The following AHCTF1 variants were observed in gnomAD, a reference collection of about 807,000 sequenced individuals.
The protein encoded by AHCTF1 is protein ELYS.
AHCTF1 carries 24 observed loss-of-function variants against 248.4 expected under a neutral mutation model. The ratio of observed to expected loss-of-function variants is 0.10; its 90% confidence interval spans 0.07 to 0.14. The LOEUF (loss-of-function observed/expected upper bound fraction) is 0.14. Among genes scored for constraint, AHCTF1 ranks in the 10% least tolerant of loss-of-function variants. The pLI is 1.00. For missense variants in AHCTF1, 2,206 were observed against 2,636.2 expected (o/e 0.84, Z 3.57); for synonymous variants, 786 against 929.8 (o/e 0.85, Z 2.81).
At chr1:246,847,034 C>T (rs1191795404) in intron 33 of AHCTF1, among the ~76,000 whole-genome samples, 1 of 152,112 alleles carries the variant, frequency 6.6e-6, no homozygotes, top group Non-Finnish European at 1.5e-5. Context: ...TGCCTATAAT[C>T]CCAGCACTTT....
chr1:246,919,796 T>C (rs1666396583), intron 1 of AHCTF1, among the ~76,000 whole-genome samples: 1 of 151,226 alleles, frequency 6.6e-6, no homozygotes, highest in South Asian at 2.1e-4. Context: ...CCACATATCC[T>C]CTGGAATCTC....
chr1:246,869,074 G>C (rs1286478980), intron 24 of AHCTF1, among the ~76,000 whole-genome samples: 2 of 151,194 alleles, frequency 1.3e-5, no homozygotes, highest in Non-Finnish European at 2.9e-5. Flanking sequence ...TCGATCTCCT[G>C]ACCTCGTGAT....
rs1572388493 is a variant in AHCTF1, at chr1:246,867,906, C to G, written c.3089-95G>C. The G allele has an allele frequency of 4.0e-5, 13 of 328,148 alleles. 3 individuals are homozygous for G. In the African/African-American group the frequency reaches 5.2e-4, roughly 13 times the overall value. 20.3% of individuals were successfully genotyped at this position (328,148 alleles called of 1,614,324 possible). Reference sequence around the variant, plus strand: ...GAATGATTACACCCCCCCCCCCACACACACACACACACACATTACGTGGTA... The same window carrying G: ...GAATGATTACACCCCCCCCCCCACAGACACACACACACACATTACGTGGTA... On this transcript the variant is annotated intron_variant, in intron 24 of 35. Coordinates refer to ENST00000648844, the MANE Select transcript of AHCTF1 (RefSeq NM_001323342.2).
chr1:246,917,433 TGGTACAGTGGGGTCTGAGAACGCCAA>T (rs146398045), intron 2 of AHCTF1, among the ~76,000 whole-genome samples: 124 of 152,308 alleles, frequency 8.1e-4, no homozygotes, highest in African/African-American at 2.9e-3. Context: ...GAAAGTAGCA[TGGTACAGTGGGGTCTGAGAACGCCAA>T]GGTTCCAAGA....
chr1:246,880,379 A>G (rs989015158), intron 21 of AHCTF1, among the ~76,000 whole-genome samples: 1 of 151,942 alleles, frequency 6.6e-6, no homozygotes, highest in African/African-American at 2.4e-5. Flanking sequence ...CCTGACCAAC[A>G]TGGTAAAAAC....
At chr1:246,847,609 C>CCT (rs1409782597) in intron 33 of AHCTF1, among the ~76,000 whole-genome samples, 1 of 152,180 alleles carries the variant, frequency 6.6e-6, no homozygotes, top group Non-Finnish European at 1.5e-5. Flanking sequence ...AAGTGATCCT[C>CCT]CTGCCTCAGC....
At chr1:246,865,094 TTTA>T in intron 26 of AHCTF1, among the ~76,000 whole-genome samples, 1 of 152,346 alleles carries the variant, frequency 6.6e-6, no homozygotes, top group African/African-American at 2.4e-5. Flanking sequence ...TACAGATAAA[TTTA>T]AACTCAAAAG....
chr1:246,902,955 A>G (rs529971980), intron 7 of AHCTF1, among the ~76,000 whole-genome samples: 9 of 152,356 alleles, frequency 5.9e-5, no homozygotes, highest in African/African-American at 1.9e-4. Context: ...TGGAATAACC[A>G]TCAAAATTAT....
At position 246,863,875 on chromosome 1, in the gene AHCTF1, G is replaced by GT. The variant is rs775269480; in HGVS notation, c.3540+48dup. The GT allele has an allele frequency of 3.9e-5, 61 of 1,569,824 alleles. 1 individual carries two copies. In the South Asian group the frequency reaches 6.5e-4, roughly 17 times the overall value. ...TATTTTTCTCCTTGCTACTTGAAAA[G>GT]TAAGAGCCATCTAGTTTGATTGTGA... On this transcript the variant is annotated intron_variant, in intron 27 of 35. Coordinates refer to ENST00000648844, the MANE Select transcript of AHCTF1 (RefSeq NM_001323342.2).
chr1:246,902,740 T>C, intron 7 of AHCTF1, 65 bp from the exon 8 acceptor site: 1 of 1,402,370 alleles, frequency 7.1e-7, no homozygotes, highest in Non-Finnish European at 9.5e-7. Context: ...TAAAATTAAA[T>C]ATTCTCCAAA....
intron 6 of AHCTF1, 33 bp from the exon 7 acceptor site, chr1:246,904,066 A>G (rs761180882): frequency 6.5e-7 from 1 of 1,541,788 alleles, no homozygotes; most frequent in East Asian, 2.3e-5. Flanking sequence ...CACGCTAAAT[A>G]TATTAATACA....
chr1:246,865,235 C>CA (rs1661885330), intron 26 of AHCTF1: 1 of 152,108 alleles, frequency 6.6e-6, no homozygotes, highest in Non-Finnish European at 1.5e-5. Flanking sequence ...TTATTTCCCC[C>CA]AAATGCCAAA....
At chr1:246,856,915 G>A (rs760421537) in intron 30 of AHCTF1, among the ~76,000 whole-genome samples, 21 of 152,118 alleles carry the variant, frequency 1.4e-4, no homozygotes, top group Non-Finnish European at 2.2e-4. Flanking sequence ...ATTTTGTGTC[G>A]GTTAATTTTA....
At chr1:246,855,677 T>C in intron 31 of AHCTF1, 53 bp downstream of exon 31, 1 of 1,397,476 alleles carries the variant, frequency 7.2e-7, no homozygotes, top group Admixed American at 1.9e-5. Flanking sequence ...AGAAAACTCT[T>C]CACTCAAAAC....
intron 1 of AHCTF1, among the ~76,000 whole-genome samples, chr1:246,924,774 C>A (rs560264469): frequency 6.6e-6 from 1 of 152,232 alleles, no homozygotes; most frequent in Admixed American, 6.5e-5. Flanking sequence ...AGTCACAAAA[C>A]CTAAAAAGTT....
At chr1:246,886,137 C>T (rs1366900048) in intron 20 of AHCTF1, among the ~76,000 whole-genome samples, 1 of 152,060 alleles carries the variant, frequency 6.6e-6, no homozygotes, top group African/African-American at 2.4e-5. Flanking sequence ...TCAAGACCAG[C>T]CTGGTCAACA....
chr1:246,860,822 T>C (rs1661484715), intron 29 of AHCTF1, 77 bp downstream of exon 29: 7 of 1,530,900 alleles, frequency 4.6e-6, no homozygotes, highest in African/African-American at 4.1e-5. Context: ...GCTTTTCTTA[T>C]GGTGGAAAAA....
intron 29 of AHCTF1, among the ~76,000 whole-genome samples, chr1:246,860,120 C>T (rs1312648523): frequency 6.6e-6 from 1 of 151,546 alleles, no homozygotes; most frequent in Non-Finnish European, 1.5e-5. Flanking sequence ...ATTAGCCAGT[C>T]ATGGTGGGGG....
At chr1:246,857,282 T>TA (rs1247943888) in intron 30 of AHCTF1, among the ~76,000 whole-genome samples, 4 of 152,218 alleles carry the variant, frequency 2.6e-5, no homozygotes, top group Non-Finnish European at 5.9e-5. Context: ...AACACAAACT[T>TA]AGAGTCATGT....
Sources: allele counts gnomAD v4.1 joint callset (sites outside exome capture counted in the v4.1 genomes callset), GRCh38; gene constraint gnomAD v4.1.1; transcripts MANE v1.5; gene names NCBI Gene and HGNC (gene_info 2026-07-23, HGNC 2026-07-21).